The following DIAPH2 variants were observed in gnomAD, a reference collection of about 807,000 sequenced individuals.
DIAPH2 encodes protein diaphanous homolog 2.
DIAPH2 carries 35 observed loss-of-function variants against 92.7 expected under a neutral mutation model. That is an observed-to-expected ratio of 0.38 (90% CI 0.29 to 0.50). The LOEUF (loss-of-function observed/expected upper bound fraction) is 0.50, where lower values mean the gene tolerates loss of function less well. DIAPH2 is among the 20% of genes least tolerant of loss of function. DIAPH2 has a pLI of 0.94. For missense variants in DIAPH2, 701 were observed against 819.5 expected (o/e 0.86, Z 1.77); for synonymous variants, 301 against 280.4 (o/e 1.07, Z -0.73).
At chrX:97,438,338 G>GTTTTT (rs745882169) in intron 26 of DIAPH2, among the ~76,000 whole-genome samples, 6 of 53,670 alleles carry the variant, frequency 1.1e-4, no homozygotes, top group East Asian at 6.0e-4. Context: ...GCAGCTTCTT[G>GTTTTT]TTTTTTTTTT....
intron 3 of DIAPH2, among the ~76,000 whole-genome samples, chrX:96,754,452 T>A (rs1397300799): frequency 1.8e-5 from 2 of 111,820 alleles, no homozygotes; most frequent in Non-Finnish European, 3.8e-5. Context: ...ATGTGTTCAG[T>A]AAATAAGTGA....
At chrX:97,553,865 T>C (rs747155463) in intron 26 of DIAPH2, among the ~76,000 whole-genome samples, 1 of 111,003 alleles carries the variant, frequency 9.0e-6, no homozygotes, top group Non-Finnish European at 1.9e-5. Flanking sequence ...CTTGATGTGA[T>C]AATAAAATAA....
At position 96,794,461 on chromosome X, in the gene DIAPH2, A is replaced by G. The variant is rs139814033; in HGVS notation, c.447+36203A>G. On this transcript the variant is annotated intron_variant, in intron 4 of 26. Coordinates refer to ENST00000324765, the MANE Select transcript of DIAPH2 (RefSeq NM_006729.5). ...TCAGGTAGTCCAAGTTGCCCAGACC[A>G]TTTCAACTCCGCTAGGAACATTAAA... Among the ~76,000 whole-genome samples, 752 of 108,859 alleles carry G rather than the reference A, an allele frequency of 6.9e-3. 5 individuals carry two copies. The highest frequency in any genetic ancestry group is 0.024 in the African/African-American group (727 of 29,808). The allele number at this position is 108,859 out of a possible 115,157, so 94.5% of individuals were successfully genotyped here.
chrX:97,038,407 T>A lies in DIAPH2; in HGVS notation c.2051-34534T>A, dbSNP rs1165781675. Among the ~76,000 whole-genome samples the A allele has an allele frequency of 3.6e-5, 4 of 111,777 alleles. No individual in the cohort carries two copies. The Admixed American group carries it at 3.8e-4, about 11-fold the overall frequency. On this transcript the variant is annotated intron_variant, in intron 17 of 26. Transcript: ENST00000324765. ...TAGGATTGTTGGATCAAATCATAGA[T>A]CTTTTAGTTCTTTATGAAATCTCCA... is the stretch of plus-strand genomic sequence containing the variant.
Position 96,936,124 on chromosome X carries a change from T to C in DIAPH2, c.1090-1109T>C, listed in dbSNP as rs139912260. Among the ~76,000 whole-genome samples the C allele has an allele frequency of 7.2e-3, 809 of 112,016 alleles. 7 individuals carry two copies. The highest frequency in any genetic ancestry group is 0.024 in the African/African-American group (736 of 30,924). ...AACCAAATATAAATACATTTACTTG[T>C]TATGTTTTATATGAAATTGTGTAGA... On this transcript the variant is annotated intron_variant, in intron 10 of 26. Transcript: ENST00000324765.
chrX:97,191,975 C>G (rs2067657020), intron 22 of DIAPH2, among the ~76,000 whole-genome samples: 1 of 111,418 alleles, frequency 9.0e-6, no homozygotes, highest in African/African-American at 3.3e-5. Context: ...CCAGACAAGA[C>G]TCTTTGCCTT....
intron 23 of DIAPH2, among the ~76,000 whole-genome samples, chrX:97,259,406 AAG>A (rs1215815984): frequency 8.9e-6 from 1 of 112,065 alleles, no homozygotes; most frequent in Non-Finnish European, 1.9e-5. Context: ...GTTACTAAGA[AAG>A]AGGGTAAAAA....
In DIAPH2 at chrX:96,890,576, A is replaced by G. The variant is rs377710273; in HGVS notation, c.587+8858A>G. Among the ~76,000 whole-genome samples the G allele has an allele frequency of 9.0e-5, 10 of 111,381 alleles. No homozygotes were observed. The East Asian group carries it at 1.1e-3, about 13-fold the overall frequency. On this transcript the variant is annotated intron_variant, in intron 5 of 26. Coordinates refer to ENST00000324765, the MANE Select transcript of DIAPH2 (RefSeq NM_006729.5). ...CCTCTCGTGGGTAATTCTCCTCCCT[A>G]CCACAGTTTTAATTGGTTTCTTTTT...
intron 24 of DIAPH2, among the ~76,000 whole-genome samples, chrX:97,369,116 C>G (rs2069416088): frequency 9.1e-6 from 1 of 109,905 alleles, no homozygotes; most frequent in African/African-American, 3.3e-5. Flanking sequence ...CCATGTTGGT[C>G]AGGCTGGTCT....
chrX:97,494,837 G>A (rs1358874696), intron 26 of DIAPH2, among the ~76,000 whole-genome samples: 1 of 112,434 alleles, frequency 8.9e-6, no homozygotes, highest in Non-Finnish European at 1.9e-5. Flanking sequence ...CAGATTGTTG[G>A]GAACATGTTC....
At position 97,160,651 on chromosome X, in the gene DIAPH2, A is replaced by G. The variant is rs899766294; in HGVS notation, c.2719+18857A>G. 1.8e-5 allele frequency among the ~76,000 whole-genome samples: 2 copies of G among 111,701 alleles called. 1 individual carries two copies. The highest frequency in any genetic ancestry group is 1.9e-4 in the Admixed American group (2 of 10,498). ...TTAATGATTTATCTTAGTTAATCTTAGTTACTTTGGAATAAAAATCTGATG... is the reference window on the plus strand; with the variant it reads ...TTAATGATTTATCTTAGTTAATCTTGGTTACTTTGGAATAAAAATCTGATG... On this transcript the variant is annotated intron_variant, in intron 22 of 26. Coordinates refer to ENST00000324765, the MANE Select transcript of DIAPH2 (RefSeq NM_006729.5).
rs1181540080 is a variant in DIAPH2, at chrX:96,799,687, A to C, written c.447+41429A>C. Among the ~76,000 whole-genome samples, 3 of 110,416 alleles carry C rather than the reference A, an allele frequency of 2.7e-5. No homozygotes were observed. The East Asian group carries it at 8.5e-4, about 31-fold the overall frequency. On this transcript the variant is annotated intron_variant, in intron 4 of 26. Transcript: ENST00000324765. ...GCCGGGCATCGTGGCGCGTGCCTGTAGACCCAGCTACTCGGGAGGCCAAGG... is the reference window on the plus strand; with the variant it reads ...GCCGGGCATCGTGGCGCGTGCCTGTCGACCCAGCTACTCGGGAGGCCAAGG...
rs1171438281 is a variant in DIAPH2 at position 97,254,698 on chromosome X, ATTTAT to A, written c.2844+6882_2844+6886del. 7.8e-3 allele frequency among the ~76,000 whole-genome samples: 841 copies of A among 108,175 alleles called. 10 individuals carry two copies. Among genetic ancestry groups the A allele is most frequent in the African/African-American group, 0.027 (782 of 29,389 alleles). 93.9% of individuals were successfully genotyped at this position (108,175 alleles called of 115,157 possible). A position where few individuals can be genotyped will look rare whatever the true frequency, so the allele number is the denominator to read the frequency against. ...ACTATTACTAACTTTATTTTATTTTATTTATTTTATTTTATTTTATTTTATTTATT... is the reference window on the plus strand; with the variant it reads ...ACTATTACTAACTTTATTTTATTTTATTTATTTTATTTTATTTTATTTATT... On this transcript the variant is annotated intron_variant, in intron 23 of 26. Transcript: ENST00000324765.
At chrX:97,547,141 C>T (rs1602661413) in intron 26 of DIAPH2, among the ~76,000 whole-genome samples, 1 of 111,391 alleles carries the variant, frequency 9.0e-6, no homozygotes. Context: ...GATCCAACTG[C>T]GAGGACCCCA....
Position 97,066,039 on chromosome X carries a change from CAA to C in DIAPH2, c.2051-6898_2051-6897del, listed in dbSNP as rs898739002. Among the ~76,000 whole-genome samples the C allele has an allele frequency of 2.5e-4, 27 of 110,160 alleles. 1 individual carries two copies. The highest frequency in any genetic ancestry group is 2.8e-4 in the Non-Finnish European group (15 of 53,015). ...ACAAGAGTCAAAAGTTTAAAAAAAACAAAAAGTTTATAATTACTATAAGCTAA... is the reference window on the plus strand; with the variant it reads ...ACAAGAGTCAAAAGTTTAAAAAAAACAAAGTTTATAATTACTATAAGCTAA... On this transcript the variant is annotated intron_variant, in intron 17 of 26. Transcript: ENST00000324765.
chrX:97,302,211 C>CAAAAA (rs35039257), intron 23 of DIAPH2, among the ~76,000 whole-genome samples: 1 of 26,693 alleles, frequency 3.7e-5, no homozygotes, highest in South Asian at 4.7e-3. Flanking sequence ...GACTCCATCT[C>CAAAAA]AAAAAAAAAA....
At chrX:97,211,534 C>G (rs959775936) in intron 22 of DIAPH2, among the ~76,000 whole-genome samples, 1 of 111,345 alleles carries the variant, frequency 9.0e-6, no homozygotes, top group African/African-American at 3.3e-5. Flanking sequence ...TTGGCCAGCC[C>G]TAGGTCATGC....
intron 19 of DIAPH2, among the ~76,000 whole-genome samples, chrX:97,081,311 A>G (rs1338606327): frequency 1.8e-5 from 2 of 109,739 alleles, no homozygotes; most frequent in African/African-American, 6.7e-5. Flanking sequence ...CTTGTTTGCT[A>G]CTTTCAGTCT....
intron 22 of DIAPH2, among the ~76,000 whole-genome samples, chrX:97,195,531 C>A (rs976058126): frequency 2.7e-5 from 3 of 109,778 alleles, no homozygotes; most frequent in African/African-American, 1.0e-4. Flanking sequence ...CATGGTAGTG[C>A]ACACCTGTAA....
Sources: gnomAD v4.1 joint callset for allele counts (sites outside exome capture counted in the v4.1 genomes callset) on GRCh38, gnomAD v4.1.1 for gene constraint, MANE v1.5 for transcripts, NCBI Gene and HGNC (gene_info 2026-07-23, HGNC 2026-07-21) for gene names.